The following DKK3 variants were observed in gnomAD, a reference collection of about 807,000 sequenced individuals.
The protein encoded by DKK3 is dickkopf-related protein 3.
A neutral mutation model predicts 33.2 loss-of-function variants in DKK3; 22 were observed. The ratio of observed to expected loss-of-function variants is 0.66; its 90% CI spans 0.47 to 0.95. DKK3 has a LOEUF of 0.95. Among genes scored for constraint, DKK3 ranks in the 40% least tolerant of loss-of-function variants. The pLI is 0.00. For synonymous variants in DKK3, 194 were observed against 188.8 expected (o/e 1.03, Z -0.23); for missense variants, 398 against 458.4 (o/e 0.87, Z 1.20).
Position 12,008,307 on chromosome 11 carries a change from C to G in DKK3, c.213+63G>C, listed in dbSNP as rs1322203724. 7.8e-6 allele frequency: 12 copies of G among 1,533,194 alleles called. No homozygotes were observed. The highest frequency in any genetic ancestry group is 6.1e-5 in the South Asian group (5 of 81,416). 95.0% of individuals were successfully genotyped at this position (1,533,194 alleles called of 1,614,324 possible). ...CCTGGCCAGCGCTCTTCCATGCCTT[C>G]CCAGACTTCGCTGCCCCCAGTCTGG... On this transcript the variant is annotated intron_variant, in intron 1 of 6. Transcript: ENST00000683431. This position sits in a 1 kb window ranked among gnomAD's most constrained non-coding sequence, Gnocchi z 4.6.
chr11:11,980,213 C>CA (rs1847926888), intron 3 of DKK3, among the ~76,000 whole-genome samples: 1 of 152,238 alleles, frequency 6.6e-6, no homozygotes, highest in African/African-American at 2.4e-5. Flanking sequence ...GGGGTCCCCA[C>CA]ATGGAAAGAG....
chr11:11,996,098 T>G (rs1487421909), intron 3 of DKK3, among the ~76,000 whole-genome samples: 1 of 152,218 alleles, frequency 6.6e-6, no homozygotes, highest in Non-Finnish European at 1.5e-5. Flanking sequence ...TTAGCTCCTG[T>G]GTATAGTATT....
intron 3 of DKK3, among the ~76,000 whole-genome samples, chr11:11,976,945 C>T (rs1847846560): frequency 6.6e-6 from 1 of 152,210 alleles, no homozygotes; most frequent in Non-Finnish European, 1.5e-5. Context: ...AACTCTCAGC[C>T]AGCTCAGGGG....
chr11:11,970,448 GGAA>G (rs1847700202), intron 3 of DKK3, among the ~76,000 whole-genome samples: 1 of 152,122 alleles, frequency 6.6e-6, no homozygotes, highest in Non-Finnish European at 1.5e-5. Flanking sequence ...CACTTAGAAT[GGAA>G]GAAATTAGAA....
At chr11:11,985,906 G>A (rs957862520) in intron 3 of DKK3, among the ~76,000 whole-genome samples, 1 of 152,174 alleles carries the variant, frequency 6.6e-6, no homozygotes, top group Non-Finnish European at 1.5e-5. Flanking sequence ...ATGACTTCTG[G>A]CCTTTGATTT....
At chr11:11,984,516 G>T (rs541761612) in intron 3 of DKK3, among the ~76,000 whole-genome samples, 1 of 152,088 alleles carries the variant, frequency 6.6e-6, no homozygotes, top group Non-Finnish European at 1.5e-5. Flanking sequence ...AAATAAAAAC[G>T]CATTACTTTT....
intron 2 of DKK3, among the ~76,000 whole-genome samples, chr11:11,999,031 G>C (rs1036545975): frequency 2.0e-5 from 3 of 152,148 alleles, no homozygotes; most frequent in Admixed American, 2.0e-4. Context: ...AGGGGATCCG[G>C]AGAAATCACT....
chr11:12,002,692 C>T lies in DKK3; in HGVS notation c.214-255G>A, dbSNP rs1848455882. ...TATTACAAATAGGGAAACTGAGGCTCAGGAAGACTAGATAAATTCCCCAGA... is the reference window on the plus strand; with the variant it reads ...TATTACAAATAGGGAAACTGAGGCTTAGGAAGACTAGATAAATTCCCCAGA... On this transcript the variant is annotated intron_variant, in intron 1 of 6. Transcript: ENST00000683431. Among the ~76,000 whole-genome samples, 5 of 152,218 alleles carry T rather than the reference C, an allele frequency of 3.3e-5. No individual in the cohort carries two copies. In the South Asian group the frequency reaches 8.3e-4, roughly 25 times the overall value.
intron 3 of DKK3, among the ~76,000 whole-genome samples, chr11:11,988,601 T>C (rs939875359): frequency 6.6e-6 from 1 of 152,168 alleles, no homozygotes; most frequent in African/African-American, 2.4e-5. Context: ...GAGTCCCCCA[T>C]AGGACCTCTT....
At chr11:11,971,386 A>C (rs1847722433) in intron 3 of DKK3, among the ~76,000 whole-genome samples, 2 of 152,216 alleles carry the variant, frequency 1.3e-5, no homozygotes, top group Non-Finnish European at 2.9e-5. Context: ...AAGCTTTTGT[A>C]AAGCCCTTCT....
chr11:11,967,608 G>C (rs1847630109), intron 4 of DKK3, among the ~76,000 whole-genome samples: 1 of 152,238 alleles, frequency 6.6e-6, no homozygotes, highest in African/African-American at 2.4e-5. Context: ...TGGCTGCGAG[G>C]TGCAACAGCA....
At chr11:11,987,479 ACAG>A (rs1263339659) in intron 3 of DKK3, among the ~76,000 whole-genome samples, 1 of 152,230 alleles carries the variant, frequency 6.6e-6, no homozygotes, top group Non-Finnish European at 1.5e-5. Flanking sequence ...GGGGTGGAAC[ACAG>A]GTTTCAAGGA....
rs1344310434 is a variant in DKK3 at position 11,966,267 on chromosome 11, C to T, written c.674-302G>A. ...AGGCATTCAGGCACAGGGACAGCAC[C>T]AGCAAAGGCCTGGGGTTGAGCTCAG... On this transcript the variant is annotated intron_variant, in intron 5 of 6. Coordinates refer to ENST00000683431, the MANE Select transcript of DKK3 (RefSeq NM_001018057.2). Among the ~76,000 whole-genome samples the T allele has an allele frequency of 2.0e-5, 3 of 152,262 alleles. No individual in the cohort carries two copies. The East Asian group carries it at 5.8e-4, about 29-fold the overall frequency.
chr11:11,993,709 G>A (rs4757730), intron 3 of DKK3, among the ~76,000 whole-genome samples: 5 of 152,020 alleles, frequency 3.3e-5, no homozygotes, highest in Non-Finnish European at 4.4e-5. Flanking sequence ...CATAAATCAC[G>A]AAGTCAACGC....
chr11:11,998,505 T>A lies in DKK3; in HGVS notation c.435+191A>T, dbSNP rs574425345. The A allele has an allele frequency of 1.9e-5, 12 of 648,160 alleles. No individual in the cohort carries two copies. In the East Asian group the frequency reaches 3.0e-4, roughly 16 times the overall value. 40.2% of individuals were successfully genotyped at this position (648,160 alleles called of 1,614,324 possible). A position where few individuals can be genotyped will look rare whatever the true frequency, so the allele number is the denominator to read the frequency against. ...TCTGTTGTTTCTGATGCCAAGTGCA[T>A]GGAGGCGTAACCTATTACTGGACTA... On this transcript the variant is annotated intron_variant, in intron 3 of 6. Coordinates refer to ENST00000683431, the MANE Select transcript of DKK3 (RefSeq NM_001018057.2).
chr11:11,968,444 T>C lies in DKK3; in HGVS notation c.479A>G (p.Gln160Arg). Reference protein sequence around the residue: ...DEDCGPSMYCQFASFQYTCQP... With the variant: ...DEDCGPSMYCRFASFQYTCQP... ...GCAGGTGTACTGGAAGCTGGCAAAC[T>C]GGCAGTACATGCTGGGCCCACAGTC... Residue 160 changes from glutamine (Q) to arginine (R), a missense_variant, in exon 4 of 7, where the codon CAG becomes CGG. Gln to Arg is a conservative substitution (Grantham distance 43). Coordinates refer to ENST00000683431, the MANE Select transcript of DKK3 (RefSeq NM_001018057.2). The C allele has an allele frequency of 1.2e-6, 2 of 1,613,452 alleles. No individual in the cohort carries two copies. The highest frequency in any genetic ancestry group is 1.7e-6 in the Non-Finnish European group (2 of 1,179,682).
At chr11:11,975,832 C>T (rs1424512397) in intron 3 of DKK3, among the ~76,000 whole-genome samples, 1 of 152,218 alleles carries the variant, frequency 6.6e-6, no homozygotes, top group African/African-American at 2.4e-5. Flanking sequence ...CCATATGGCA[C>T]AAGTGCATCT....
At chr11:11,995,069 G>A (rs572597518) in intron 3 of DKK3, among the ~76,000 whole-genome samples, 18 of 152,090 alleles carry the variant, frequency 1.2e-4, no homozygotes, top group Admixed American at 7.2e-4. Context: ...TCCACCTGTG[G>A]CCTCAGAAGT....
chr11:12,008,822 G>A, upstream of DKK3: 1 of 1,170,334 alleles, frequency 8.5e-7, no homozygotes, highest in Non-Finnish European at 1.1e-6. The surrounding 1 kb of genome is among the most constrained non-coding windows in gnomAD (Gnocchi z 4.6). Context: ...GATCGCCCCA[G>A]GACCCCGCAC....
Sources: gnomAD v4.1 joint callset for allele counts (sites outside exome capture counted in the v4.1 genomes callset) on GRCh38, gnomAD v4.1.1 for gene constraint, Gnocchi (gnomAD v3.1) non-coding constraint, MANE v1.5 for transcripts, NCBI Gene and HGNC (gene_info 2026-07-23, HGNC 2026-07-21) for gene names.